ARHGEF28: variants seen among roughly 807,000 people sequenced by gnomAD.
ARHGEF28 encodes Rho guanine nucleotide exchange factor 28.
Under a neutral mutation model 206.6 loss-of-function variants are expected in ARHGEF28, and 152 were observed. The ratio of observed to expected loss-of-function variants is 0.74; its 90% CI spans 0.64 to 0.84. ARHGEF28 has a LOEUF of 0.84. ARHGEF28 is among the 40% of genes least tolerant of loss of function. The pLI is 0.00. For missense variants in ARHGEF28, 2,028 were observed against 2,073.2 expected (o/e 0.98, Z 0.42); for synonymous variants, 763 against 776.4 (o/e 0.98, Z 0.29).
At chr5:73,936,295 A>G (rs1764414497) in intron 35 of ARHGEF28, among the ~76,000 whole-genome samples, 2 of 152,194 alleles carry the variant, frequency 1.3e-5, no homozygotes, top group Non-Finnish European at 2.9e-5. Flanking sequence ...CTTTGCAAAT[A>G]CTATCTTTTG....
chr5:73,816,131 C>A (rs1437043697), intron 9 of ARHGEF28, among the ~76,000 whole-genome samples: 2 of 151,984 alleles, frequency 1.3e-5, no homozygotes, highest in East Asian at 1.9e-4. Flanking sequence ...GGGTGCCAGG[C>A]ACTGTTCTTG....
intron 6 of ARHGEF28, chr5:73,780,312 T>G: frequency 9.0e-6 from 2 of 222,600 alleles, no homozygotes; most frequent in Non-Finnish European, 1.8e-5. Flanking sequence ...AGGATGTGGA[T>G]TTGGTCTGCT....
In ARHGEF28 at chr5:73,704,008, AGT is replaced by A. The variant is rs551447437; in HGVS notation, c.33+19126_33+19127del. On this transcript the variant is annotated intron_variant, in intron 2 of 35. Transcript: ENST00000513042. ...CACTGCACTTCAGCCTAGATGACAG[AGT>A]GAGACTCTGTCTAAAAAAAAAAAAA... Among the ~76,000 whole-genome samples the A allele has an allele frequency of 2.8e-5, 4 of 144,930 alleles. No homozygotes were observed. The South Asian group carries it at 6.8e-4, about 24-fold the overall frequency.
chr5:73,633,984 A>G (rs1743540023), intron 1 of ARHGEF28, among the ~76,000 whole-genome samples: 1 of 152,108 alleles, frequency 6.6e-6, no homozygotes, highest in African/African-American at 2.4e-5. Context: ...CATTCATGGA[A>G]TTGTGCAATT....
At chr5:73,672,358 T>G (rs559023969) in intron 1 of ARHGEF28, among the ~76,000 whole-genome samples, 140 of 152,332 alleles carry the variant, frequency 9.2e-4, no homozygotes, top group African/African-American at 3.2e-3. Context: ...ACTCCGACTT[T>G]CCATTTACAG....
chr5:73,627,383 G>A (rs184452773), intron 1 of ARHGEF28: 29 of 152,314 alleles, frequency 1.9e-4, no homozygotes, highest in Admixed American at 1.1e-3. Context: ...GTGTTCCTAG[G>A]CCCTGAAGCT....
intron 9 of ARHGEF28, among the ~76,000 whole-genome samples, chr5:73,803,974 A>C (rs1338721266): frequency 6.8e-6 from 1 of 147,330 alleles, no homozygotes; most frequent in East Asian, 2.1e-4. Context: ...GGTCCTAGCT[A>C]TTCAGGAGGC....
At chr5:73,896,791 C>G (rs1241639016) in intron 29 of ARHGEF28, among the ~76,000 whole-genome samples, 1 of 152,226 alleles carries the variant, frequency 6.6e-6, no homozygotes, top group East Asian at 1.9e-4. Context: ...TCTCCCCCAC[C>G]AAAACTTTCA....
intron 30 of ARHGEF28, chr5:73,899,224 G>A (rs1762129321): frequency 6.6e-6 from 1 of 152,116 alleles, no homozygotes; most frequent in Non-Finnish European, 1.5e-5. Flanking sequence ...CCTTTTAAAA[G>A]AAGAACCTCA....
At chr5:73,921,136 G>A (rs1295198515) in intron 35 of ARHGEF28, among the ~76,000 whole-genome samples, 1 of 152,200 alleles carries the variant, frequency 6.6e-6, no homozygotes, top group Non-Finnish European at 1.5e-5. Flanking sequence ...CTCCTAGAAT[G>A]TGAACCAATT....
Position 73,879,865 on chromosome 5 carries a change from G to A in ARHGEF28, c.2815-2607G>A, listed in dbSNP as rs367889662. 2.6e-4 allele frequency among the ~76,000 whole-genome samples: 40 copies of A among 152,318 alleles called. No homozygotes were observed. The East Asian group carries it at 4.4e-3, about 17-fold the overall frequency. On this transcript the variant is annotated intron_variant, in intron 22 of 35. Transcript: ENST00000513042. ...GGGGTGCCTCCCAGTTAGGCTGCTC[G>A]GGGGTCAGGGGTCAGGGACCCACTT...
At chr5:73,814,525 A>G (rs1756058123) in intron 9 of ARHGEF28, among the ~76,000 whole-genome samples, 1 of 151,932 alleles carries the variant, frequency 6.6e-6, no homozygotes, top group African/African-American at 2.4e-5. Context: ...AAAAAATAAG[A>G]TAGTGTGTAA....
chr5:73,926,198 A>G (rs1039156054), intron 35 of ARHGEF28, among the ~76,000 whole-genome samples: 5 of 152,208 alleles, frequency 3.3e-5, no homozygotes, highest in Non-Finnish European at 4.4e-5. Flanking sequence ...TGACATCTCT[A>G]CTACTAACTG....
intron 35 of ARHGEF28, among the ~76,000 whole-genome samples, chr5:73,925,346 G>C (rs1763739391): frequency 1.3e-5 from 2 of 152,100 alleles, no homozygotes; most frequent in South Asian, 4.1e-4. Context: ...CCAACCTTTT[G>C]TACATGTGTT....
chr5:73,718,677 C>A (rs957899818), intron 2 of ARHGEF28, among the ~76,000 whole-genome samples: 8 of 152,190 alleles, frequency 5.3e-5, no homozygotes, highest in African/African-American at 1.9e-4. Flanking sequence ...GTTTGGACCC[C>A]TCCAAATCTC....
intron 4 of ARHGEF28, among the ~76,000 whole-genome samples, chr5:73,756,408 C>T (rs1017251952): frequency 3.9e-5 from 6 of 152,200 alleles, no homozygotes; most frequent in Non-Finnish European, 7.3e-5. Context: ...TGTTTCTAGA[C>T]TTTCTCTAAA....
At chr5:73,669,371 T>C (rs1027375878) in intron 1 of ARHGEF28, among the ~76,000 whole-genome samples, 1 of 152,218 alleles carries the variant, frequency 6.6e-6, no homozygotes, top group Admixed American at 6.5e-5. Context: ...GAAATTTTAA[T>C]TGATGTAATT....
At chr5:73,862,539 C>G (rs1022895378) in intron 16 of ARHGEF28, among the ~76,000 whole-genome samples, 1 of 151,890 alleles carries the variant, frequency 6.6e-6, no homozygotes, top group Admixed American at 6.6e-5. Context: ...CTATTTAGAC[C>G]ATGTGTTGTT....
At chr5:73,828,459 A>G (rs919484431) in intron 9 of ARHGEF28, among the ~76,000 whole-genome samples, 1 of 152,128 alleles carries the variant, frequency 6.6e-6, no homozygotes, top group African/African-American at 2.4e-5. Context: ...AGGTGACAGA[A>G]GTAGAGAGGA....
Sources: gnomAD v4.1 joint callset for allele counts (sites outside exome capture counted in the v4.1 genomes callset) on GRCh38, gnomAD v4.1.1 for gene constraint, MANE v1.5 for transcripts, NCBI Gene and HGNC (gene_info 2026-07-23, HGNC 2026-07-21) for gene names.